Variants in MAGOHB observed in about 807,000 individuals in gnomAD.
MAGOHB encodes protein mago nashi homolog 2.
A neutral mutation model predicts 20.9 loss-of-function variants in MAGOHB; 15 were observed. The observed-to-expected ratio is 0.72, with a 90% CI of 0.48 to 1.11. MAGOHB has a LOEUF of 1.11. Ranked by LOEUF, MAGOHB falls within the 50% of genes least tolerant of loss-of-function variation. MAGOHB has a pLI of 0.00. For synonymous variants in MAGOHB, 50 were observed against 57.9 expected, an observed-to-expected ratio of 0.86 and a Z score of 0.62; for missense variants, 162 against 177.6, an observed-to-expected ratio of 0.91 and a Z score of 0.50.
chr12:10,600,490 C>T (rs997429157), downstream of MAGOHB, among the ~76,000 whole-genome samples: 1 of 151,958 alleles, frequency 6.6e-6, no homozygotes, highest in Non-Finnish European at 1.5e-5. Context: ...CAAATGCCCT[C>T]CAGAAGAGAT....
intron 4 of MAGOHB, among the ~76,000 whole-genome samples, chr12:10,607,228 C>T (rs1376283493): frequency 6.6e-6 from 1 of 152,120 alleles, no homozygotes; most frequent in African/African-American, 2.4e-5. Flanking sequence ...GTGGATACAG[C>T]AAGGTTCTCA....
At chr12:10,611,955 C>T (rs1025874103) in intron 1 of MAGOHB, among the ~76,000 whole-genome samples, 4 of 151,856 alleles carry the variant, frequency 2.6e-5, no homozygotes, top group African/African-American at 9.7e-5. Flanking sequence ...TGTTCGCAGG[C>T]AGAGGAACTG....
At chr12:10,608,599 TAAAAAAAA>T (rs200643667) in intron 3 of MAGOHB, 3 of 119,162 alleles carry the variant, frequency 2.5e-5, no homozygotes, top group Non-Finnish European at 5.4e-5. Context: ...TAAGAACTAG[TAAAAAAAA>T]AAAAAAAAAA....
rs1865716117 is a variant in MAGOHB at position 10,610,638 on chromosome 12, A to C, written c.137T>G (p.Val46Gly). The change falls in exon 2 of 5, where the codon GTC becomes GGC. Residue 46 changes from valine (V) to glycine (G), a missense_variant. By Grantham distance (109) the Val-to-Gly change is moderately radical (BLOSUM62 -3). Coordinates refer to ENST00000320756, the MANE Select transcript of MAGOHB (RefSeq NM_018048.5). ...AGAACTTACCTCTTTTCTGATCATG[A>C]CATCATTTTTGTAATTGCTGTTGTT... ...YANNSNYKND[V>G]MIRKEAYVHK... 6.3e-7 allele frequency: 1 copy of C among 1,575,742 alleles called. No individual in the cohort carries two copies. The highest frequency in any genetic ancestry group is 1.9e-5 in the Admixed American group (1 of 51,910).
At chr12:10,609,652 T>A in intron 3 of MAGOHB, 179 bp downstream of exon 3, 1 of 583,642 alleles carries the variant, frequency 1.7e-6, no homozygotes, top group Non-Finnish European at 3.0e-6. Context: ...ACTCCTTCAC[T>A]ACTAGGAGGT....
chr12:10,608,015 C>A, intron 3 of MAGOHB, 79 bp from the exon 4 acceptor site: 1 of 840,474 alleles, frequency 1.2e-6, no homozygotes, highest in Admixed American at 2.9e-5. Context: ...CAAGCAGATC[C>A]CAATTTTAGT....
chr12:10,609,504 A>C, intron 3 of MAGOHB: 1 of 381,160 alleles, frequency 2.6e-6, no homozygotes, highest in Non-Finnish European at 5.0e-6. Context: ...TGGCAAAAAT[A>C]AATTTTACAT....
At chr12:10,610,400 G>T (rs149674143) in intron 2 of MAGOHB, among the ~76,000 whole-genome samples, 9 of 151,918 alleles carry the variant, frequency 5.9e-5, no homozygotes, top group African/African-American at 1.7e-4. Flanking sequence ...ATCAATAAAT[G>T]CAAGTGTAGT....
intron 3 of MAGOHB, chr12:10,609,304 A>G (rs1591664013): frequency 2.6e-6 from 1 of 390,776 alleles, no homozygotes; most frequent in East Asian, 7.2e-5. Context: ...AAAAGACCCA[A>G]TTCAGAAACC....
chr12:10,611,033 A>C (rs1340154766), intron 1 of MAGOHB, among the ~76,000 whole-genome samples: 3 of 152,216 alleles, frequency 2.0e-5, no homozygotes, highest in Non-Finnish European at 4.4e-5. Context: ...TGCCTCACCC[A>C]GAGCATTTAA....
chr12:10,604,462 G>A lies in MAGOHB; in HGVS notation c.*1813C>T, dbSNP rs1190063383. 1.3e-5 allele frequency: 2 copies of A among 152,164 alleles called. No individual in the cohort carries two copies. The highest frequency in any genetic ancestry group is 2.9e-5 in the Non-Finnish European group (2 of 68,032). 9.4% of individuals were successfully genotyped at this position (152,164 alleles called of 1,614,324 possible). On this transcript the variant is annotated 3_prime_UTR_variant, in exon 5 of 5. Transcript: ENST00000320756. The stretch of plus-strand genomic sequence containing the variant: ...GGGATAGAGCTAAATAAACGAAAAC[G>A]TAAGGAAGTTAGAGAACGGGGACAA...
downstream of MAGOHB, among the ~76,000 whole-genome samples, chr12:10,600,226 T>C (rs993484705): frequency 7.9e-5 from 12 of 152,078 alleles, no homozygotes; most frequent in African/African-American, 2.4e-4. Flanking sequence ...TTTTTATTTA[T>C]TATTTTCTAA....
At chr12:10,600,374 T>C (rs146288792), downstream of MAGOHB, among the ~76,000 whole-genome samples, 115 of 152,182 alleles carry the variant, frequency 7.6e-4, no homozygotes, top group African/African-American at 2.5e-3. Flanking sequence ...ATTTTTTCTA[T>C]TGTAAAATAT....
chr12:10,613,060 G>A (rs1244079382), intron 1 of MAGOHB: 1 of 729,110 alleles, frequency 1.4e-6, no homozygotes, highest in Non-Finnish European at 2.0e-6. Flanking sequence ...CCCCTTCAAA[G>A]AAAACACACA....
intron 1 of MAGOHB, among the ~76,000 whole-genome samples, chr12:10,611,405 C>T (rs547578649): frequency 6.6e-6 from 1 of 152,172 alleles, no homozygotes; most frequent in South Asian, 2.1e-4. Context: ...TGCCCAGACA[C>T]AGCTATAATG....
At chr12:10,608,183 G>T (rs558213518) in intron 3 of MAGOHB, 2 of 311,006 alleles carry the variant, frequency 6.4e-6, no homozygotes, top group Non-Finnish European at 1.2e-5. Flanking sequence ...ACATAAAGAA[G>T]ACACTATGAA....
chr12:10,610,179 T>C (rs1195387316), intron 2 of MAGOHB, among the ~76,000 whole-genome samples: 1 of 152,208 alleles, frequency 6.6e-6, no homozygotes, highest in Non-Finnish European at 1.5e-5. Flanking sequence ...TTTCAAACAC[T>C]GTATTCTGCC....
At position 10,610,632 on chromosome 12, in the gene MAGOHB, A is replaced by G; in HGVS notation, c.143T>C (p.Ile48Thr). 1 of 1,551,974 alleles carries G rather than the reference A, an allele frequency of 6.4e-7. No individual in the cohort carries two copies. The highest frequency in any genetic ancestry group is 8.7e-7 in the Non-Finnish European group (1 of 1,154,094). The change falls in exon 2 of 5, where the codon ATC becomes ACC. Residue 48 changes from isoleucine to threonine, a missense_variant. Ile to Thr is a moderately conservative substitution (Grantham distance 89). Transcript: ENST00000320756. ...NNSNYKNDVMIRKEAYVHKSV... is the reference protein window; with the variant it reads ...NNSNYKNDVMTRKEAYVHKSV... ...TCACATAGAACTTACCTCTTTTCTGATCATGACATCATTTTTGTAATTGCT... is the reference window on the plus strand; with the variant it reads ...TCACATAGAACTTACCTCTTTTCTGGTCATGACATCATTTTTGTAATTGCT...
rs1865621796 is a variant in MAGOHB at position 10,605,964 on chromosome 12, T to C, written c.*311A>G. 5.9e-6 allele frequency: 1 copy of C among 169,462 alleles called. No individual in the cohort carries two copies. The highest frequency in any genetic ancestry group is 1.3e-5 in the Non-Finnish European group (1 of 79,648). 10.5% of individuals were successfully genotyped at this position (169,462 alleles called of 1,614,324 possible). On this transcript the variant is annotated 3_prime_UTR_variant, in exon 5 of 5. Coordinates refer to ENST00000320756, the MANE Select transcript of MAGOHB (RefSeq NM_018048.5). ...GAACAATTTCTTATTATCTCTAAAG[T>C]GAATTAGAGACATAGCCTCCTGGAA...
Sources: gnomAD v4.1 joint callset for allele counts (sites outside exome capture counted in the v4.1 genomes callset) on GRCh38, gnomAD v4.1.1 for gene constraint, MANE v1.5 for transcripts, NCBI Gene and HGNC (gene_info 2026-07-23, HGNC 2026-07-21) for gene names.